Variants in ADARB2 observed in about 807,000 individuals in gnomAD.
ADARB2 encodes the protein adenosine deaminase RNA specific B2 (inactive), also known as inactive double-stranded RNA-specific editase B2.
A neutral mutation model predicts 62.2 loss-of-function variants in ADARB2; 25 were observed. The ratio of observed to expected loss-of-function variants is 0.40; its 90% CI spans 0.29 to 0.56. ADARB2 has a LOEUF of 0.56. ADARB2 is among the 20% of genes least tolerant of loss of function. The pLI is 0.43. For synonymous variants in ADARB2, 572 were observed against 500.8 expected, an observed-to-expected ratio of 1.14 and a Z score of -1.90; for missense variants, 1,071 against 1,077.4, an observed-to-expected ratio of 0.99 and a Z score of 0.08.
chr10:1,513,417 G>A (rs1358244320), intron 1 of ADARB2, among the ~76,000 whole-genome samples: 1 of 152,214 alleles, frequency 6.6e-6, no homozygotes, highest in Non-Finnish European at 1.5e-5. Flanking sequence ...TCTGGCAGGA[G>A]GGCACTCTGG....
intron 1 of ADARB2, among the ~76,000 whole-genome samples, chr10:1,682,750 A>G (rs903713471): frequency 6.6e-6 from 1 of 152,238 alleles, no homozygotes; most frequent in African/African-American, 2.4e-5. Flanking sequence ...GGTTGAGAAC[A>G]TTACGGTGAC....
In ADARB2 at chr10:1,363,087, A is replaced by G. The variant is rs1419176267; in HGVS notation, c.1018T>C (p.Phe340Leu). 2.0e-6 allele frequency: 3 copies of G among 1,485,330 alleles called. No individual in the cohort carries two copies. Among genetic ancestry groups the G allele is most frequent in the Non-Finnish European group, 2.7e-6 (3 of 1,124,152 alleles). 92.0% of individuals were successfully genotyped at this position (1,485,330 alleles called of 1,614,324 possible). A position where few individuals can be genotyped will look rare whatever the true frequency, so the allele number is the denominator to read the frequency against. ...GCGTGGCCGGGCATCTGGATGTCGA[A>G]CAGCTCCTGCAGTGCGGCCTGCGCG... ...QAAQAALQEL[F>L]DIQMPGHAPG... Residue 340 changes from phenylalanine (F) to leucine (L), a missense_variant, in exon 3 of 10, where the codon TTC (phenylalanine) becomes CTC (leucine). Physicochemically the swap from Phe to Leu is conservative, Grantham distance 22. Coordinates refer to ENST00000381312, the MANE Select transcript of ADARB2 (RefSeq NM_018702.4).
chr10:1,439,083 A>G (rs371680916), intron 1 of ADARB2, among the ~76,000 whole-genome samples: 4,750 of 46,408 alleles, frequency 0.1, no homozygotes, highest in African/African-American at 0.14. Context: ...GGGCTCCTGA[A>G]TCTCCTCAGC....
chr10:1,492,379 G>A (rs142706101), intron 1 of ADARB2, among the ~76,000 whole-genome samples: 11 of 152,256 alleles, frequency 7.2e-5, no homozygotes, highest in Non-Finnish European at 1.6e-4. Context: ...TGGGTCCATG[G>A]TCCAGTATGT....
chr10:1,331,521 C>T (rs189888182), intron 3 of ADARB2, among the ~76,000 whole-genome samples: 1 of 152,236 alleles, frequency 6.6e-6, no homozygotes, highest in East Asian at 1.9e-4. Flanking sequence ...ATTCTATTTA[C>T]CTGAAATGTC....
chr10:1,233,113 C>T (rs1830825273), intron 6 of ADARB2, among the ~76,000 whole-genome samples: 2 of 152,132 alleles, frequency 1.3e-5, no homozygotes, highest in Admixed American at 1.3e-4. Flanking sequence ...GCCCTGCCCT[C>T]CGACCCTGGC....
intron 6 of ADARB2, among the ~76,000 whole-genome samples, chr10:1,223,491 G>A (rs1473880525): frequency 1.3e-5 from 2 of 152,162 alleles, no homozygotes; most frequent in African/African-American, 2.4e-5. Context: ...CCCTCTCACT[G>A]TCTTGTGCCA....
At chr10:1,331,441 T>C (rs1831926819) in intron 3 of ADARB2, among the ~76,000 whole-genome samples, 1 of 152,204 alleles carries the variant, frequency 6.6e-6, no homozygotes, top group Admixed American at 6.5e-5. Context: ...AGAAATGAAG[T>C]TCTGACGTAT....
In ADARB2 at chr10:1,538,760, A is replaced by G. The variant is rs969432053; in HGVS notation, c.101-159600T>C. ...AACGTCGGGGCCATGGGAGTCGAGG[A>G]CAGGAACTCAGCAGAAATCAGGGCA... is the stretch of plus-strand genomic sequence containing the variant. On this transcript the variant is annotated intron_variant, in intron 1 of 9. Transcript: ENST00000381312. Among the ~76,000 whole-genome samples the G allele has an allele frequency of 5.3e-5, 8 of 152,326 alleles. No individual in the cohort carries two copies. The East Asian group carries it at 1.5e-3, about 29-fold the overall frequency.
At chr10:1,261,312 TTAAAC>T (rs1387756856) in intron 4 of ADARB2, among the ~76,000 whole-genome samples, 2 of 149,868 alleles carry the variant, frequency 1.3e-5, no homozygotes, top group African/African-American at 5.0e-5. Context: ...TGGGATCTAA[TTAAAC>T]TAAAGAGCTT....
chr10:1,210,780 C>G (rs979839931), intron 7 of ADARB2, among the ~76,000 whole-genome samples: 1 of 152,216 alleles, frequency 6.6e-6, no homozygotes, highest in South Asian at 2.1e-4. Flanking sequence ...TGGCAGGAAG[C>G]CTGGCAGGTG....
chr10:1,511,014 G>A (rs566123032), intron 1 of ADARB2, among the ~76,000 whole-genome samples: 6 of 152,192 alleles, frequency 3.9e-5, no homozygotes, highest in South Asian at 2.1e-4. Flanking sequence ...TACCATGTCC[G>A]GCTAATTTTT....
At chr10:1,518,891 A>T (rs1197500190) in intron 1 of ADARB2, among the ~76,000 whole-genome samples, 3 of 151,600 alleles carry the variant, frequency 2.0e-5, no homozygotes, top group Admixed American at 1.3e-4. Flanking sequence ...TAACATCTGC[A>T]TGTGGTATTG....
chr10:1,567,297 A>G (rs1832871561), intron 1 of ADARB2, among the ~76,000 whole-genome samples: 1 of 152,108 alleles, frequency 6.6e-6, no homozygotes, highest in Non-Finnish European at 1.5e-5. Flanking sequence ...GCCTGAGATG[A>G]CCCAGTACTT....
At chr10:1,333,210 A>G (rs1265275326) in intron 3 of ADARB2, among the ~76,000 whole-genome samples, 2 of 152,184 alleles carry the variant, frequency 1.3e-5, no homozygotes, top group African/African-American at 4.8e-5. Flanking sequence ...ATTAACTTTG[A>G]TGCCATAATT....
intron 1 of ADARB2, among the ~76,000 whole-genome samples, chr10:1,498,982 G>A (rs1005787825): frequency 2.8e-5 from 4 of 140,418 alleles, no homozygotes; most frequent in Admixed American, 7.3e-5. Flanking sequence ...TTCATTCATC[G>A]CTCACTAATC....
chr10:1,663,300 T>C (rs2119091424), intron 1 of ADARB2, among the ~76,000 whole-genome samples: 1 of 152,288 alleles, frequency 6.6e-6, no homozygotes, highest in East Asian at 1.9e-4. Context: ...TGCATTATTA[T>C]TGGCTCTATT....
At chr10:1,614,621 G>A (rs1833607094) in intron 1 of ADARB2, among the ~76,000 whole-genome samples, 1 of 152,198 alleles carries the variant, frequency 6.6e-6, no homozygotes, top group Admixed American at 6.5e-5. Context: ...AGAAAAAAAT[G>A]CCCTTTTTGG....
At chr10:1,422,106 G>T (rs1187140745) in intron 1 of ADARB2, among the ~76,000 whole-genome samples, 1 of 152,204 alleles carries the variant, frequency 6.6e-6, no homozygotes, top group Non-Finnish European at 1.5e-5. Context: ...CATATCCCTG[G>T]CAACAGACTT....
Sources: allele counts gnomAD v4.1 joint callset (sites outside exome capture counted in the v4.1 genomes callset), GRCh38; gene constraint gnomAD v4.1.1; transcripts MANE v1.5; gene names NCBI Gene and HGNC (gene_info 2026-07-23, HGNC 2026-07-21).